The following PPP2R3C variants were observed in gnomAD, a reference collection of about 807,000 sequenced individuals.
The protein encoded by PPP2R3C is serine/threonine-protein phosphatase 2A regulatory subunit B'' subunit gamma.
A neutral mutation model predicts 63.7 loss-of-function variants in PPP2R3C; 47 were observed. The ratio of observed to expected loss-of-function variants is 0.74; its 90% CI spans 0.58 to 0.94. The LOEUF (loss-of-function observed/expected upper bound fraction) is 0.94, where lower values mean the gene tolerates loss of function less well. Among genes scored for constraint, PPP2R3C ranks in the 40% least tolerant of loss-of-function variants. The pLI is 0.00. For missense variants in PPP2R3C, 421 were observed against 518.4 expected, an observed-to-expected ratio of 0.81 and a Z score of 1.82; for synonymous variants, 180 against 177.4, an observed-to-expected ratio of 1.01 and a Z score of -0.12.
Position 35,120,197 on chromosome 14 carries a change from G to A in PPP2R3C, c.58+1705C>T, listed in dbSNP as rs967506257. On this transcript the variant is annotated intron_variant, in intron 1 of 12. Coordinates refer to ENST00000261475, the MANE Select transcript of PPP2R3C (RefSeq NM_017917.4). ...TATGGGCAACTAACTGTGGGGTTGT[G>A]GGGCTGAAAGAAATGTTAAGGGGGA... Among the ~76,000 whole-genome samples, 5 of 151,386 alleles carry A rather than the reference G, an allele frequency of 3.3e-5. No individual in the cohort carries two copies. In the East Asian group the frequency reaches 7.9e-4, roughly 24 times the overall value.
chr14:35,097,728 C>CTG (rs2046044361), intron 7 of PPP2R3C, among the ~76,000 whole-genome samples: 1 of 152,108 alleles, frequency 6.6e-6, no homozygotes, highest in African/African-American at 2.4e-5. Flanking sequence ...AGATGATTCA[C>CTG]CCATCTTAGC....
Position 35,116,643 on chromosome 14 carries a change from T to C in PPP2R3C, c.153A>G (p.Glu51=), listed in dbSNP as rs779887366. ...EWKGGRKNTN[E]FYKTIPRFYY... ...AAAACCGGGGAATGGTCTTATAGAA[T>C]TCATTTGTGTTTTTTCTACCTCCTT... Residue 51 remains glutamate, a synonymous_variant, in exon 2 of 13, where the codon GAA becomes GAG. Coordinates refer to ENST00000261475, the MANE Select transcript of PPP2R3C (RefSeq NM_017917.4). 1.2e-6 allele frequency: 2 copies of C among 1,601,856 alleles called. No individual in the cohort carries two copies. Among genetic ancestry groups the C allele is most frequent in the Non-Finnish European group, 1.7e-6 (2 of 1,171,572 alleles).
At chr14:35,120,747 G>A (rs1011384245) in intron 1 of PPP2R3C, among the ~76,000 whole-genome samples, 1 of 151,984 alleles carries the variant, frequency 6.6e-6, no homozygotes, top group African/African-American at 2.4e-5. Context: ...AGGAATTCGA[G>A]ACCAGCCCAG....
chr14:35,117,167 G>A (rs551873349), intron 1 of PPP2R3C: 41 of 455,680 alleles, frequency 9.0e-5, no homozygotes, highest in African/African-American at 6.4e-4. Context: ...CATAATCACT[G>A]TTTCTCTACC....
At position 35,085,762 on chromosome 14, in the gene PPP2R3C, A is replaced by G; in HGVS notation, c.1190T>C (p.Met397Thr). Residue 397 changes from methionine (M) to threonine (T), a missense_variant, in exon 13 of 13, where the codon ATG becomes ACG. Met to Thr is a moderately conservative substitution (Grantham distance 81). This residue lies in a region of PPP2R3C where 231 missense variants were observed against 264.8 expected (regional missense o/e 0.87). Coordinates refer to ENST00000261475, the MANE Select transcript of PPP2R3C (RefSeq NM_017917.4). ...FQDVKDEIFD[M>T]VKPKDPLKIS... The stretch of plus-strand genomic sequence containing the variant: ...TTTCAAAGGATCCTTTGGTTTTACC[A>G]TGTCAAAGATTTCATCCTGCAAGAG... 6.2e-7 allele frequency: 1 copy of G among 1,602,364 alleles called. No homozygotes were observed. Among genetic ancestry groups the G allele is most frequent in the Non-Finnish European group, 8.5e-7 (1 of 1,174,592 alleles).
intron 9 of PPP2R3C, among the ~76,000 whole-genome samples, chr14:35,096,004 G>A (rs778798195): frequency 2.3e-4 from 35 of 152,078 alleles, no homozygotes; most frequent in Non-Finnish European, 1.6e-4. Flanking sequence ...AGTCAACAAG[G>A]ATCAAATTAC....
chr14:35,096,892 C>A, intron 7 of PPP2R3C, 128 bp from the exon 8 acceptor site: 1 of 927,716 alleles, frequency 1.1e-6, no homozygotes, highest in Non-Finnish European at 1.6e-6. Flanking sequence ...CTCTTATGCT[C>A]CAAAGTCCTT....
At chr14:35,110,203 G>C in intron 3 of PPP2R3C, 1 of 445,354 alleles carries the variant, frequency 2.2e-6, no homozygotes, top group East Asian at 3.9e-5. Context: ...GAAGCACAGA[G>C]ATGTTAAGTC....
At chr14:35,115,065 C>CG (rs967088437) in intron 2 of PPP2R3C, among the ~76,000 whole-genome samples, 18 of 151,686 alleles carry the variant, frequency 1.2e-4, no homozygotes, top group African/African-American at 4.3e-4. Context: ...AACTGCTGAG[C>CG]TTAAGAGATT....
chr14:35,122,137 G>C (rs939991714), upstream of PPP2R3C: 2 of 609,240 alleles, frequency 3.3e-6, no homozygotes, highest in African/African-American at 3.7e-5. Flanking sequence ...CACTGCCGCG[G>C]AGAATACCGC....
intron 1 of PPP2R3C, among the ~76,000 whole-genome samples, chr14:35,120,940 T>C (rs2046862763): frequency 6.6e-6 from 1 of 151,264 alleles, no homozygotes; most frequent in Non-Finnish European, 1.5e-5. Context: ...AGGGAGATCC[T>C]GTATCGGAAA....
intron 4 of PPP2R3C, 87 bp downstream of exon 4, chr14:35,109,732 A>G: frequency 9.2e-7 from 1 of 1,084,628 alleles, no homozygotes. Flanking sequence ...CTGGGATTAC[A>G]GGTGTGAGCC....
intron 11 of PPP2R3C, among the ~76,000 whole-genome samples, chr14:35,090,049 T>C (rs1022501583): frequency 1.3e-5 from 2 of 152,096 alleles, no homozygotes; most frequent in Non-Finnish European, 2.9e-5. Flanking sequence ...CTTAAAAAAA[T>C]TGAGTGAAAG....
At chr14:35,117,259 G>A in intron 1 of PPP2R3C, 1 of 432,786 alleles carries the variant, frequency 2.3e-6, no homozygotes, top group Non-Finnish European at 4.7e-6. Flanking sequence ...CAACTCGCCT[G>A]CTATTGGCAC....
At chr14:35,115,148 C>CT (rs574544715) in intron 2 of PPP2R3C, among the ~76,000 whole-genome samples, 262 of 141,322 alleles carry the variant, frequency 1.9e-3, no homozygotes, top group Non-Finnish European at 2.5e-3. Context: ...TTGTAAACGG[C>CT]TTTTTTTTTT....
chr14:35,088,637 C>T (rs756361969), intron 11 of PPP2R3C, among the ~76,000 whole-genome samples: 1 of 152,182 alleles, frequency 6.6e-6, no homozygotes, highest in Non-Finnish European at 1.5e-5. Context: ...TCTGTTACCA[C>T]TAATAATCAG....
At chr14:35,117,204 C>T (rs2138718996) in intron 1 of PPP2R3C, 1 of 455,240 alleles carries the variant, frequency 2.2e-6, no homozygotes, top group South Asian at 1.6e-5. Context: ...AACAAAAAAA[C>T]TCATCCTCTG....
At chr14:35,086,055 G>A in intron 12 of PPP2R3C, 1 of 341,810 alleles carries the variant, frequency 2.9e-6, no homozygotes, top group East Asian at 5.8e-5. Context: ...CCAAGGCTCA[G>A]TGCCTAATCT....
chr14:35,112,505 C>T (rs2138703354), intron 2 of PPP2R3C, among the ~76,000 whole-genome samples: 1 of 152,322 alleles, frequency 6.6e-6, no homozygotes, highest in East Asian at 1.9e-4. Flanking sequence ...TGGTTTTCAT[C>T]TTTCATTTCC....
Sources: allele counts gnomAD v4.1 joint callset (sites outside exome capture counted in the v4.1 genomes callset), GRCh38; gene constraint gnomAD v4.1.1; regional missense constraint gnomAD v4.1.1; transcripts MANE v1.5; gene names NCBI Gene and HGNC (gene_info 2026-07-23, HGNC 2026-07-21).